TNKS1BP1: variants seen among roughly 807,000 people sequenced by gnomAD.
The protein encoded by TNKS1BP1 is CCR4-NOT transcription complex subunit 12, also known as 182 kDa tankyrase-1-binding protein.
In TNKS1BP1, 48 loss-of-function variants were observed where a neutral mutation model predicts 141.1. The ratio of observed to expected loss-of-function variants is 0.34; its 90% CI spans 0.27 to 0.43. The LOEUF (loss-of-function observed/expected upper bound fraction) is 0.43. Ranked by LOEUF, TNKS1BP1 falls within the 20% of genes least tolerant of loss-of-function variation. TNKS1BP1 has a pLI of 1.00. For missense variants in TNKS1BP1, 2,149 were observed against 2,226.0 expected (o/e 0.97, Z 0.70); for synonymous variants, 875 against 898.2 (o/e 0.97, Z 0.46).
At chr11:57,312,027 T>C (rs1181352907) in intron 5 of TNKS1BP1, among the ~76,000 whole-genome samples, 1 of 152,150 alleles carries the variant, frequency 6.6e-6, no homozygotes, top group African/African-American at 2.4e-5. Flanking sequence ...TTTACAGATG[T>C]GGAAACTGAG....
intron 4 of TNKS1BP1, 104 bp downstream of exon 4, chr11:57,317,714 C>T (rs1304294144): frequency 1.6e-6 from 2 of 1,235,788 alleles, no homozygotes; most frequent in South Asian, 1.3e-5. Flanking sequence ...CCCCATGGGC[C>T]TCAGTTTCCC....
chr11:57,302,631 G>A lies in TNKS1BP1; in HGVS notation c.4511C>T (p.Pro1504Leu). 3.1e-6 allele frequency: 5 copies of A among 1,611,732 alleles called. No homozygotes were observed. In the South Asian group the frequency reaches 4.4e-5, roughly 14 times the overall value. ...ATCAGGCTGCGGCCTCCAGGAGGGT[G>A]GAGAGTCCCTGCCAGGCTCCAGCAC... ...EEVLEPGRDS[P>L]PSWRPQPDGE... is the part of the protein sequence containing the mutation. The change falls in exon 7 of 12, where the codon CCA (proline) becomes CTA (leucine). Residue 1504 changes from proline (P) to leucine (L), a missense_variant. By Grantham distance (98) the Pro-to-Leu change is moderately conservative (BLOSUM62 -3). Transcript: ENST00000358252. The surrounding 1 kb of genome is among the most constrained non-coding windows in gnomAD (Gnocchi z 5.5).
chr11:57,318,677 T>C (rs1276466617), intron 3 of TNKS1BP1, among the ~76,000 whole-genome samples: 4 of 152,246 alleles, frequency 2.6e-5, no homozygotes, highest in Non-Finnish European at 5.9e-5. Context: ...GTGCAGCTGA[T>C]GGCTCCTGAG....
chr11:57,308,672 C>A lies in TNKS1BP1; in HGVS notation c.4039G>T (p.Asp1347Tyr). ...CGVGQMDWTQ[D>Y]LAPQNVELFG... ...AGCTCCACATTCTGGGGCGCCAAGTCCTGGGTCCAGTCCATCTGCCCCACT... is the reference window on the plus strand; with the variant it reads ...AGCTCCACATTCTGGGGCGCCAAGTACTGGGTCCAGTCCATCTGCCCCACT... Residue 1347 changes from aspartate to tyrosine, a missense_variant, in exon 6 of 12, where the codon GAC becomes TAC. Physicochemically the swap from Asp to Tyr is radical, Grantham distance 160. Transcript: ENST00000358252. 6.2e-7 allele frequency: 1 copy of A among 1,613,066 alleles called. No individual in the cohort carries two copies. The highest frequency in any genetic ancestry group is 8.5e-7 in the Non-Finnish European group (1 of 1,180,010).
rs1429000658 is a variant in TNKS1BP1 at position 57,310,490 on chromosome 11, T to C, written c.2221A>G (p.Ser741Gly). 3 of 1,611,554 alleles carry C rather than the reference T, an allele frequency of 1.9e-6. No homozygotes were observed. The highest frequency in any genetic ancestry group is 2.5e-6 in the Non-Finnish European group (3 of 1,180,004). Residue 741 changes from serine (S) to glycine (G), a missense_variant, in exon 6 of 12, where the codon AGC (serine) becomes GGC (glycine). Ser to Gly is a moderately conservative substitution (Grantham distance 56). Coordinates refer to ENST00000358252, the MANE Select transcript of TNKS1BP1 (RefSeq NM_033396.3). ...EFGITGDPQPSSFSPSSWCQG... is the reference protein window; with the variant it reads ...EFGITGDPQPGSFSPSSWCQG... ...CACCAGCTGGAAGGACTGAAACTGCTGGGCTGTGGGTCTCCTGTGATCCCA... is the reference window on the plus strand; with the variant it reads ...CACCAGCTGGAAGGACTGAAACTGCCGGGCTGTGGGTCTCCTGTGATCCCA...
At chr11:57,311,115 C>CA in intron 5 of TNKS1BP1, 1 of 558,562 alleles carries the variant, frequency 1.8e-6, no homozygotes, top group Non-Finnish European at 2.3e-6. Flanking sequence ...CAATCTTCCC[C>CA]AGGAAGACCT....
At chr11:57,324,706 T>C (rs952442089) in intron 1 of TNKS1BP1, 134 bp downstream of exon 1, 64 of 900,380 alleles carry the variant, frequency 7.1e-5, no homozygotes, top group Non-Finnish European at 8.0e-5. Flanking sequence ...CCTGCAAACT[T>C]TCCTGGTGAC....
chr11:57,321,744 T>TGGGGCCCCCCGC, intron 2 of TNKS1BP1, 48 bp downstream of exon 2: 1 of 1,039,822 alleles, frequency 9.6e-7, no homozygotes, highest in Non-Finnish European at 1.5e-6. Flanking sequence ...CCTCTGTCCT[T>TGGGGCCCCCCGC]CCCACCCCCC....
chr11:57,322,597 G>A (rs113688171), intron 1 of TNKS1BP1, among the ~76,000 whole-genome samples: 4 of 152,162 alleles, frequency 2.6e-5, no homozygotes, highest in Non-Finnish European at 5.9e-5. Context: ...TTTCTCAATC[G>A]CTTGGCTTCA....
At chr11:57,314,252 C>T (rs1324233414) in intron 4 of TNKS1BP1, among the ~76,000 whole-genome samples, 1 of 152,228 alleles carries the variant, frequency 6.6e-6, no homozygotes, top group Admixed American at 6.5e-5. Context: ...GGAAAAGGAA[C>T]ATTGTGAATC....
At chr11:57,300,490 T>A (rs1855508849) in intron 11 of TNKS1BP1, 38 bp downstream of exon 11, 15 of 1,603,968 alleles carry the variant, frequency 9.4e-6, no homozygotes, top group Non-Finnish European at 1.3e-5. Flanking sequence ...GGGCAGGCCC[T>A]CCTCAGACTG....
In TNKS1BP1 at chr11:57,309,743, C is replaced by G; in HGVS notation, c.2968G>C (p.Glu990Gln). 6.2e-7 allele frequency: 1 copy of G among 1,614,202 alleles called. No individual in the cohort carries two copies. Among genetic ancestry groups the G allele is most frequent in the Non-Finnish European group, 8.5e-7 (1 of 1,180,042 alleles). Reference protein sequence around the residue: ...RPLSSGFSPEEAQQQDEEFEK... With the variant: ...RPLSSGFSPEQAQQQDEEFEK... ...AATTCCTCATCCTGTTGCTGGGCTTCCTCGGGGCTGAACCCAGAGCTCAGG... is the reference window on the plus strand; with the variant it reads ...AATTCCTCATCCTGTTGCTGGGCTTGCTCGGGGCTGAACCCAGAGCTCAGG... Residue 990 changes from glutamate to glutamine, a missense_variant, in exon 6 of 12, where the codon GAA (glutamate) becomes CAA (glutamine). Transcript: ENST00000358252. The surrounding 1 kb of genome is among the most constrained non-coding windows in gnomAD (Gnocchi z 4.3).
intron 6 of TNKS1BP1, among the ~76,000 whole-genome samples, chr11:57,304,301 T>C (rs904368764): frequency 6.6e-6 from 1 of 152,102 alleles, no homozygotes; most frequent in Non-Finnish European, 1.5e-5. Flanking sequence ...TGAGTGGTAG[T>C]CTGTCCTTCC....
chr11:57,309,503 C>G lies in TNKS1BP1; in HGVS notation c.3208G>C (p.Gly1070Arg). 6.2e-7 allele frequency: 1 copy of G among 1,613,848 alleles called. No individual in the cohort carries two copies. Among genetic ancestry groups the G allele is most frequent in the Non-Finnish European group, 8.5e-7 (1 of 1,180,034 alleles). Residue 1070 changes from glycine (G) to arginine (R), a missense_variant, in exon 6 of 12, where the codon GGC becomes CGC. Transcript: ENST00000358252. The surrounding 1 kb of genome is among the most constrained non-coding windows in gnomAD (Gnocchi z 4.3). ...HQERQQAGAQ[G>R]PGSADLEDGE... ...TCTTCCAGGTCAGCACTGCCAGGGCCCTGAGCCCCTGCCTGCTGTCTCTCC... is the reference window on the plus strand; with the variant it reads ...TCTTCCAGGTCAGCACTGCCAGGGCGCTGAGCCCCTGCCTGCTGTCTCTCC...
At position 57,310,253 on chromosome 11, in the gene TNKS1BP1, C is replaced by G. The variant is rs375862627; in HGVS notation, c.2458G>C (p.Ala820Pro). The G allele has an allele frequency of 1.2e-6, 2 of 1,614,054 alleles. No homozygotes were observed. The highest frequency in any genetic ancestry group is 1.3e-5 in the African/African-American group (1 of 74,936). ...SKVSAPGVLT[A>P]QDRVVGKPAQ... ...GGCTTTCCAACTACCCGGTCCTGGG[C>G]TGTGAGCACCCCTGGGGCAGACACT... is the stretch of plus-strand genomic sequence containing the variant. Residue 820 changes from alanine (A) to proline (P), a missense_variant, in exon 6 of 12, where the codon GCC becomes CCC. Ala to Pro is a conservative substitution (Grantham distance 27). Coordinates refer to ENST00000358252, the MANE Select transcript of TNKS1BP1 (RefSeq NM_033396.3).
intron 6 of TNKS1BP1, 107 bp downstream of exon 6, chr11:57,308,288 A>G (rs1465178351): frequency 8.8e-6 from 13 of 1,469,654 alleles, no homozygotes; most frequent in Non-Finnish European, 1.2e-5. Flanking sequence ...CCCAAACACT[A>G]AAAGTCCTCA....
rs2134370420 is a variant in TNKS1BP1, at chr11:57,317,750, GATGATCTCAT to G, written c.798+58_798+67del. 3 of 1,464,644 alleles carry G rather than the reference GATGATCTCAT, an allele frequency of 2.0e-6. No homozygotes were observed. In the East Asian group the frequency reaches 7.1e-5, roughly 34 times the overall value. 90.7% of individuals were successfully genotyped at this position (1,464,644 alleles called of 1,614,324 possible). A position where few individuals can be genotyped will look rare whatever the true frequency, so the allele number is the denominator to read the frequency against. On this transcript the variant is annotated intron_variant, in intron 4 of 11. Transcript: ENST00000358252. Reference sequence around the variant, plus strand: ...CATCTGAACTACAAGGAGTAGAAAAGATGATCTCATATGACCCTTCCAGCTCTAAAATACG... The same window carrying G: ...CATCTGAACTACAAGGAGTAGAAAAGATGACCCTTCCAGCTCTAAAATACG...
chr11:57,322,170 T>A (rs1855898912), intron 1 of TNKS1BP1: 5 of 1,073,674 alleles, frequency 4.7e-6, no homozygotes, highest in Non-Finnish European at 1.2e-6. Flanking sequence ...AACCCCAAAG[T>A]CCTAGCGCTT....
At position 57,302,898 on chromosome 11, in the gene TNKS1BP1, G is replaced by A. The variant is rs765565508; in HGVS notation, c.4317-73C>T. 1.1e-5 allele frequency: 15 copies of A among 1,422,542 alleles called. No homozygotes were observed. Among genetic ancestry groups the A allele is most frequent in the Non-Finnish European group, 1.4e-5 (15 of 1,086,696 alleles). 88.1% of individuals were successfully genotyped at this position (1,422,542 alleles called of 1,614,324 possible). On this transcript the variant is annotated intron_variant, in intron 6 of 11. Transcript: ENST00000358252. The surrounding 1 kb of genome is among the most constrained non-coding windows in gnomAD (Gnocchi z 5.5). The stretch of plus-strand genomic sequence containing the variant: ...CCCTGCCCTGAAGCCTACTTCACAA[G>A]CTCCTTCCCCCAGCCCCCAAACTCT...
Sources: gnomAD v4.1 joint callset for allele counts (sites outside exome capture counted in the v4.1 genomes callset) on GRCh38, gnomAD v4.1.1 for gene constraint, Gnocchi (gnomAD v3.1) non-coding constraint, MANE v1.5 for transcripts, NCBI Gene and HGNC (gene_info 2026-07-23, HGNC 2026-07-21) for gene names.